The following FGD2 variants were observed in gnomAD, a reference collection of about 807,000 sequenced individuals.
The protein encoded by FGD2 is FYVE, RhoGEF and PH domain containing 2.
A neutral mutation model predicts 75.9 loss-of-function variants in FGD2; 52 were observed. That is an observed-to-expected ratio of 0.69 (90% CI 0.55 to 0.86). The LOEUF (loss-of-function observed/expected upper bound fraction) is 0.86. Ranked by LOEUF, FGD2 falls within the 40% of genes least tolerant of loss-of-function variation. The probability of loss-of-function intolerance (pLI) is 0.00; values close to 1 mark genes in which losing one functional copy is unlikely to be tolerated. For missense variants in FGD2, 790 were observed against 872.0 expected (o/e 0.91, Z 1.18); for synonymous variants, 347 against 348.6 (o/e 1.00, Z 0.05).
chr6:37,008,365 C>T (rs907920817), intron 1 of FGD2, among the ~76,000 whole-genome samples: 6 of 152,148 alleles, frequency 3.9e-5, no homozygotes, highest in Non-Finnish European at 5.9e-5. Flanking sequence ...TGCTTCTGGA[C>T]GTGTGGAGGA....
At chr6:37,026,705 G>T (rs1765836798) in intron 14 of FGD2, among the ~76,000 whole-genome samples, 1 of 152,144 alleles carries the variant, frequency 6.6e-6, no homozygotes, top group Non-Finnish European at 1.5e-5. Context: ...CCAGGTTCAA[G>T]TTGGCCTCTT....
At chr6:37,010,827 C>G (rs557225386) in intron 2 of FGD2, 146 bp from the exon 3 acceptor site, 1 of 716,512 alleles carries the variant, frequency 1.4e-6, no homozygotes, top group Admixed American at 2.2e-5. Context: ...ACCCCAGGGC[C>G]GGCCCAGATG....
At position 37,008,838 on chromosome 6, in the gene FGD2, C is replaced by T; in HGVS notation, c.73C>T (p.Pro25Ser). Residue 25 changes from proline (P) to serine (S), a missense_variant, in exon 2 of 16, where the codon CCA becomes TCA. Physicochemically the swap from Pro to Ser is moderately conservative, Grantham distance 74. Transcript: ENST00000274963. ...AGGTCTGTCTCTTCTCCTCAGGACC[C>T]CAGAAGCAGCACCCAGAGGCCAGAG... ...LVTVFENSRT[P>S]EAAPRGQRLE... 1.9e-6 allele frequency: 3 copies of T among 1,586,894 alleles called. No homozygotes were observed. Among genetic ancestry groups the T allele is most frequent in the Admixed American group, 1.7e-5 (1 of 57,346 alleles).
chr6:37,016,081 A>C (rs969929977), intron 9 of FGD2, among the ~76,000 whole-genome samples: 3 of 152,094 alleles, frequency 2.0e-5, no homozygotes, highest in Non-Finnish European at 4.4e-5. Flanking sequence ...CCTTCGCGGC[A>C]GTGCATGAGC....
intron 4 of FGD2, among the ~76,000 whole-genome samples, chr6:37,012,568 C>T (rs1163905845): frequency 6.6e-6 from 1 of 151,612 alleles, no homozygotes; most frequent in Admixed American, 6.6e-5. Context: ...AAAACTTAGC[C>T]GGGCATGGTA....
intron 13 of FGD2, chr6:37,022,579 C>T (rs1401175363): frequency 4.7e-6 from 3 of 639,950 alleles, no homozygotes; most frequent in Non-Finnish European, 4.9e-6. Context: ...CCTACCTAGG[C>T]TTCCACTTGA....
intron 8 of FGD2, 133 bp downstream of exon 8, chr6:37,015,171 C>T (rs831494): frequency 0.41 from 525,360 of 1,276,812 alleles, 109,522 homozygotes; most frequent in East Asian, 0.56. Context: ...CTGTCTTTTT[C>T]TGCTTTGGCA....
Position 37,022,385 on chromosome 6 carries a change from C to A in FGD2, c.1458+15C>A. 6.4e-7 allele frequency: 1 copy of A among 1,559,720 alleles called. No homozygotes were observed. Among genetic ancestry groups the A allele is most frequent in the Non-Finnish European group, 8.6e-7 (1 of 1,156,584 alleles). ...CCTGCGGCTATGTGAGTACTCCTGC[C>A]AGCACTCCTGCCTCCACCTGCGTCA... On this transcript the variant is annotated intron_variant, in intron 13 of 15. Coordinates refer to ENST00000274963, the MANE Select transcript of FGD2 (RefSeq NM_173558.4).
rs1016377801 is a variant in FGD2 at position 37,028,775 on chromosome 6, A to AT, written c.*619dup. 4 of 151,472 alleles carry AT rather than the reference A, an allele frequency of 2.6e-5. No individual in the cohort carries two copies. Among genetic ancestry groups the AT allele is most frequent in the Non-Finnish European group, 5.9e-5 (4 of 67,874 alleles). 9.4% of individuals were successfully genotyped at this position (151,472 alleles called of 1,614,324 possible). A position where few individuals can be genotyped will look rare whatever the true frequency, so the allele number is the denominator to read the frequency against. ...AGGTGTGTGCCACTGTGCCAAGCTA[A>AT]TTTTTTTATTTTTTGTAGAGATGGG... On this transcript the variant is annotated 3_prime_UTR_variant, in exon 16 of 16. Coordinates refer to ENST00000274963, the MANE Select transcript of FGD2 (RefSeq NM_173558.4).
intron 4 of FGD2, chr6:37,012,133 A>G (rs1765041621): frequency 2.8e-6 from 1 of 355,574 alleles, no homozygotes; most frequent in Non-Finnish European, 5.0e-6. Context: ...GCCAGTGCCA[A>G]CTGAGGGCTT....
intron 4 of FGD2, among the ~76,000 whole-genome samples, chr6:37,012,727 A>AG (rs55866190): frequency 6.6e-6 from 1 of 150,998 alleles, no homozygotes; most frequent in African/African-American, 2.4e-5. Flanking sequence ...AAAAAAAAAA[A>AG]GAAAGAAAAG....
chr6:37,006,116 C>T (rs374335766), intron 1 of FGD2, among the ~76,000 whole-genome samples: 2 of 152,220 alleles, frequency 1.3e-5, no homozygotes, highest in Admixed American at 6.5e-5. Context: ...GGTGTGGTTA[C>T]GAGCAAGCAT....
chr6:37,017,166 C>T (rs556984695), intron 9 of FGD2, among the ~76,000 whole-genome samples: 20 of 152,008 alleles, frequency 1.3e-4, no homozygotes, highest in African/African-American at 4.6e-4. Flanking sequence ...TTGAGAGCTT[C>T]CTCATCCTCC....
intron 1 of FGD2, among the ~76,000 whole-genome samples, chr6:37,006,379 A>G (rs1416848636): frequency 3.9e-5 from 6 of 152,130 alleles, no homozygotes; most frequent in Middle Eastern, 6.8e-3. Flanking sequence ...CTGATGGGGT[A>G]CTCCCTACTC....
chr6:37,006,368 C>T (rs1459698753), intron 1 of FGD2, among the ~76,000 whole-genome samples: 1 of 152,124 alleles, frequency 6.6e-6, no homozygotes, highest in Non-Finnish European at 1.5e-5. Flanking sequence ...CGGGCAGCAT[C>T]CTGATGGGGT....
chr6:37,012,737 GAA>G (rs1765072543), intron 4 of FGD2, among the ~76,000 whole-genome samples: 2 of 149,786 alleles, frequency 1.3e-5, no homozygotes, highest in Non-Finnish European at 1.5e-5. Flanking sequence ...AGAAAGAAAA[GAA>G]AAGAGAAGGA....
At chr6:37,017,699 C>G (rs1324504822) in intron 9 of FGD2, among the ~76,000 whole-genome samples, 1 of 152,154 alleles carries the variant, frequency 6.6e-6, no homozygotes, top group Admixed American at 6.5e-5. Context: ...TCAGCATCAC[C>G]CCTACCCCCT....
chr6:37,009,076 G>A lies in FGD2; in HGVS notation c.300+11G>A. 1 of 1,612,604 alleles carries A rather than the reference G, an allele frequency of 6.2e-7. No homozygotes were observed. ...GGATCGGGGACGCAGGTGCCTGAGG[G>A]CTGAGGTAGAGGTGTGGGGTGCTGG... On this transcript the variant is annotated intron_variant, in intron 2 of 15. Coordinates refer to ENST00000274963, the MANE Select transcript of FGD2 (RefSeq NM_173558.4).
At chr6:37,015,451 CAG>C (rs1265700180) in intron 8 of FGD2, among the ~76,000 whole-genome samples, 2 of 152,224 alleles carry the variant, frequency 1.3e-5, no homozygotes, top group Non-Finnish European at 2.9e-5. Context: ...GTCTGGGGAA[CAG>C]AGATATAACC....
Sources: gnomAD v4.1 joint callset for allele counts (sites outside exome capture counted in the v4.1 genomes callset) on GRCh38, gnomAD v4.1.1 for gene constraint, MANE v1.5 for transcripts, NCBI Gene and HGNC (gene_info 2026-07-23, HGNC 2026-07-21) for gene names.